Variants in RNLS observed in about 807,000 individuals in gnomAD.
RNLS encodes the protein renalase, FAD dependent amine oxidase, also known as renalase.
Under a neutral mutation model 39.8 loss-of-function variants are expected in RNLS, and 39 were observed. That is an observed-to-expected ratio of 0.98 (90% CI 0.76 to 1.28). RNLS has a LOEUF of 1.28. Among genes scored for constraint, RNLS ranks in the 50% most tolerant of loss-of-function variants. The pLI is 0.00. For missense variants in RNLS, 410 were observed against 413.3 expected, an observed-to-expected ratio of 0.99 and a Z score of 0.07; for synonymous variants, 147 against 150.7, an observed-to-expected ratio of 0.98 and a Z score of 0.18.
intron 4 of RNLS, among the ~76,000 whole-genome samples, chr10:88,488,576 A>C (rs1031635671): frequency 6.6e-6 from 1 of 151,360 alleles, no homozygotes; most frequent in African/African-American, 2.4e-5. Flanking sequence ...AAGATCGGAA[A>C]TTACCTTAAA....
At chr10:88,521,972 C>A (rs1360971282) in intron 4 of RNLS, among the ~76,000 whole-genome samples, 4 of 152,020 alleles carry the variant, frequency 2.6e-5, no homozygotes, top group Non-Finnish European at 5.9e-5. Flanking sequence ...TCTTGCTTAA[C>A]CTTTACCCTG....
At chr10:88,257,934 T>G in the RNLS span, among the ~76,000 whole-genome samples, 12 of 152,100 alleles carry the variant, frequency 7.9e-5, no homozygotes, top group Non-Finnish European at 1.5e-4. Context: ...TTTGTTGTAA[T>G]GCTTTTTCCT....
chr10:88,258,228 A>T, the RNLS span, among the ~76,000 whole-genome samples: 1 of 152,228 alleles, frequency 6.6e-6, no homozygotes, highest in Admixed American at 6.5e-5. Context: ...CTTTATAAAT[A>T]TTGTGACTGA....
the RNLS span, among the ~76,000 whole-genome samples, chr10:88,203,316 ATG>A: frequency 6.2e-3 from 30 of 4,858 alleles, 8 homozygotes; most frequent in African/African-American, 0.013. Flanking sequence ...ATATATACGT[ATG>A]TATATATATA....
chr10:88,337,123 T>C (rs1000535034), intron 5 of RNLS, among the ~76,000 whole-genome samples: 1 of 152,154 alleles, frequency 6.6e-6, no homozygotes, highest in African/African-American at 2.4e-5. Context: ...TCCTACTGGA[T>C]TGGCTTTGGG....
At chr10:88,538,351 A>G (rs1564882695) in intron 4 of RNLS, among the ~76,000 whole-genome samples, 1 of 152,188 alleles carries the variant, frequency 6.6e-6, no homozygotes, top group South Asian at 2.1e-4. Flanking sequence ...TTGTCGTCAG[A>G]ATCAAATCCA....
Position 88,573,066 on chromosome 10 carries a change from T to G in RNLS, c.368-5A>C. On this transcript the variant is annotated splice_region_variant and splice_polypyrimidine_tract_variant and intron_variant, in intron 3 of 6. Transcript: ENST00000331772. ...GTCTGAAGTAGACTTCTGCACCTGT[T>G]CCAAAAGCAAAATCATGTCCCCATT... The G allele has an allele frequency of 6.2e-7, 1 of 1,612,120 alleles. No individual in the cohort carries two copies. The highest frequency in any genetic ancestry group is 1.1e-5 in the South Asian group (1 of 90,804).
In RNLS at chr10:88,284,579, T is replaced by C; in HGVS notation, c.*775A>G. 2 of 985,258 alleles carry C rather than the reference T, an allele frequency of 2.0e-6. No individual in the cohort carries two copies. Among genetic ancestry groups the C allele is most frequent in the Non-Finnish European group, 2.4e-6 (2 of 829,786 alleles). 61.0% of individuals were successfully genotyped at this position (985,258 alleles called of 1,614,324 possible). A position where few individuals can be genotyped will look rare whatever the true frequency, so the allele number is the denominator to read the frequency against. ...GACACAGTCTAAATGCCACAGCACA[T>C]ACTGGAGAACCCATAAAGTAACAGC... On this transcript the variant is annotated 3_prime_UTR_variant, in exon 7 of 7. Coordinates refer to ENST00000331772, the MANE Select transcript of RNLS (RefSeq NM_001031709.3).
the RNLS span, among the ~76,000 whole-genome samples, chr10:88,223,691 T>G: frequency 0.042 from 6,406 of 152,274 alleles, 211 homozygotes; most frequent in East Asian, 0.12. Flanking sequence ...GAGATAGATT[T>G]GTGAGGGACC....
chr10:88,558,607 G>T (rs568586151), intron 4 of RNLS, among the ~76,000 whole-genome samples: 16 of 152,202 alleles, frequency 1.1e-4, no homozygotes, highest in South Asian at 1.0e-3. Flanking sequence ...GGAAGTCTCC[G>T]CTGTTTCTAC....
chr10:88,368,170 G>T (rs926605086), intron 4 of RNLS, among the ~76,000 whole-genome samples: 3 of 151,778 alleles, frequency 2.0e-5, no homozygotes, highest in Non-Finnish European at 2.9e-5. Flanking sequence ...TAAAGTAATA[G>T]GCAGCCAGGA....
At chr10:88,465,360 G>A (rs1843144554) in intron 4 of RNLS, among the ~76,000 whole-genome samples, 1 of 152,038 alleles carries the variant, frequency 6.6e-6, no homozygotes, top group South Asian at 2.1e-4. Flanking sequence ...TAGTGCTAAG[G>A]TAGTGTCCTA....
At chr10:88,415,113 G>C (rs1287739065) in intron 4 of RNLS, among the ~76,000 whole-genome samples, 11 of 152,152 alleles carry the variant, frequency 7.2e-5, no homozygotes, top group Admixed American at 2.6e-4. Flanking sequence ...GATACTCCAG[G>C]GTGTTGGAAA....
intron 6 of RNLS, among the ~76,000 whole-genome samples, chr10:88,302,542 A>AT (rs1198826524): frequency 2.0e-5 from 3 of 152,130 alleles, no homozygotes; most frequent in African/African-American, 4.8e-5. Context: ...TTACCTCTAA[A>AT]TTTTTTTTAA....
the RNLS span, among the ~76,000 whole-genome samples, chr10:88,248,942 ATCTC>A: frequency 2.0e-5 from 3 of 152,150 alleles, no homozygotes; most frequent in Admixed American, 6.5e-5. Flanking sequence ...CTGGAATGAT[ATCTC>A]TCCTTATCTG....
At chr10:88,268,567 G>A in the RNLS span, among the ~76,000 whole-genome samples, 2,293 of 152,276 alleles carry the variant, frequency 0.015, 23 homozygotes, top group Non-Finnish European at 0.022. Context: ...TGGCTTAAGC[G>A]AAAGAAGAAC....
downstream of RNLS, among the ~76,000 whole-genome samples, chr10:88,272,530 C>T (rs375264167): frequency 2.0e-5 from 3 of 152,118 alleles, no homozygotes; most frequent in East Asian, 1.9e-4. Flanking sequence ...CAAGAATCTA[C>T]GTTTTATGTT....
intron 6 of RNLS, among the ~76,000 whole-genome samples, chr10:88,300,315 T>C (rs922811170): frequency 1.3e-5 from 2 of 152,194 alleles, no homozygotes; most frequent in African/African-American, 4.8e-5. Flanking sequence ...AAAGAGAGAC[T>C]GTCTAATAAA....
At position 88,362,532 on chromosome 10, in the gene RNLS, G is replaced by A. The variant is rs752706366; in HGVS notation, c.700+20C>T. The A allele has an allele frequency of 6.2e-7, 1 of 1,607,670 alleles. No homozygotes were observed. The highest frequency in any genetic ancestry group is 1.1e-5 in the South Asian group (1 of 90,344). ...CCCACCATTGTTGCTGTATTTAAGG[G>A]AAATAATAGGGGTACTGACCTATAT... On this transcript the variant is annotated intron_variant, in intron 5 of 6. Transcript: ENST00000331772.
Sources: allele counts gnomAD v4.1 joint callset (sites outside exome capture counted in the v4.1 genomes callset), GRCh38; gene constraint gnomAD v4.1.1; transcripts MANE v1.5; gene names NCBI Gene and HGNC (gene_info 2026-07-23, HGNC 2026-07-21).